The following NXPE4 variants were observed in gnomAD, a reference collection of about 807,000 sequenced individuals.
NXPE4 encodes the protein NXPE family member 4.
A neutral mutation model predicts 33.3 loss-of-function variants in NXPE4; 42 were observed. That is an observed-to-expected ratio of 1.26 (90% CI 0.98 to 1.63). The LOEUF is 1.63. NXPE4 is among the 40% of genes most tolerant of loss of function. The pLI is 0.00. For missense variants in NXPE4, 709 were observed against 647.6 expected (o/e 1.09, Z -1.03); for synonymous variants, 253 against 234.9 (o/e 1.08, Z -0.71).
At chr11:114,647,319 A>G in the NXPE4 span, among the ~76,000 whole-genome samples, 1 of 152,314 alleles carries the variant, frequency 6.6e-6, no homozygotes, top group East Asian at 1.9e-4. Context: ...GCTTTGGTAT[A>G]AAGTTTTATA....
the NXPE4 span, among the ~76,000 whole-genome samples, chr11:114,632,868 A>T: frequency 1.2e-5 from 1 of 84,686 alleles, no homozygotes; most frequent in Non-Finnish European, 2.0e-5. Context: ...TATAATATAT[A>T]ATTATATAAT....
chr11:114,602,989 T>C, the NXPE4 span, among the ~76,000 whole-genome samples: 26,520 of 150,580 alleles, frequency 0.18, 2,545 homozygotes, highest in African/African-American at 0.24. Flanking sequence ...TTATCTCATA[T>C]ATAATTACAG....
At chr11:114,630,202 C>T in the NXPE4 span, among the ~76,000 whole-genome samples, 1 of 151,704 alleles carries the variant, frequency 6.6e-6, no homozygotes, top group Non-Finnish European at 1.5e-5. Context: ...CAAAAAAGAG[C>T]CCTCATCGCC....
the NXPE4 span, among the ~76,000 whole-genome samples, chr11:114,645,752 C>T: frequency 8.5e-5 from 13 of 152,128 alleles, no homozygotes; most frequent in African/African-American, 2.4e-4. Context: ...ATGACTAATA[C>T]GTATATGTGA....
the NXPE4 span, among the ~76,000 whole-genome samples, chr11:114,671,054 T>G: frequency 6.8e-6 from 1 of 147,748 alleles, no homozygotes; most frequent in South Asian, 2.1e-4. Context: ...TATATAAAAA[T>G]ATAAATATAT....
At chr11:114,637,313 T>G in the NXPE4 span, among the ~76,000 whole-genome samples, 1 of 151,796 alleles carries the variant, frequency 6.6e-6, no homozygotes, top group Non-Finnish European at 1.5e-5. Context: ...TTCCATTTGC[T>G]TGGTAGATCT....
the NXPE4 span, among the ~76,000 whole-genome samples, chr11:114,616,318 C>T: frequency 1.7e-4 from 25 of 144,178 alleles, no homozygotes; most frequent in East Asian, 4.0e-4. Context: ...TGTTGTCTCA[C>T]GTGTAACCAC....
At chr11:114,673,266 C>T in the NXPE4 span, among the ~76,000 whole-genome samples, 1 of 151,260 alleles carries the variant, frequency 6.6e-6, no homozygotes, top group Admixed American at 6.6e-5. Flanking sequence ...AATCAGAATA[C>T]ACTTTCAGAT....
At chr11:114,603,849 G>A in the NXPE4 span, among the ~76,000 whole-genome samples, 1 of 151,314 alleles carries the variant, frequency 6.6e-6, no homozygotes, top group South Asian at 2.1e-4. Flanking sequence ...AATAAGTATT[G>A]CCTCCTCTCC....
chr11:114,604,252 T>C, the NXPE4 span, among the ~76,000 whole-genome samples: 22 of 151,694 alleles, frequency 1.5e-4, no homozygotes, highest in Non-Finnish European at 2.8e-4. Context: ...GTGTTGACTC[T>C]TGGGTAACCA....
intron 2 of NXPE4, chr11:114,583,742 C>A: frequency 2.0e-6 from 1 of 512,514 alleles, no homozygotes. Context: ...CTTGGAACTG[C>A]TAAAGTATCA....
the NXPE4 span, among the ~76,000 whole-genome samples, chr11:114,639,609 G>A: frequency 1.3e-5 from 2 of 148,266 alleles, no homozygotes; most frequent in African/African-American, 5.0e-5. Flanking sequence ...CGGCCATCTT[G>A]GCTGCCCCAC....
the NXPE4 span, among the ~76,000 whole-genome samples, chr11:114,631,095 T>C: frequency 9.9e-5 from 15 of 151,446 alleles, no homozygotes; most frequent in Non-Finnish European, 2.2e-4. Context: ...ACTAGTTCAA[T>C]CATTGTGGAA....
At chr11:114,609,257 T>C in the NXPE4 span, among the ~76,000 whole-genome samples, 2 of 151,984 alleles carry the variant, frequency 1.3e-5, no homozygotes, top group Admixed American at 1.3e-4. Flanking sequence ...CAGTGGTTAA[T>C]AAGTATTGCC....
At chr11:114,635,835 A>C in the NXPE4 span, among the ~76,000 whole-genome samples, 2 of 152,038 alleles carry the variant, frequency 1.3e-5, no homozygotes, top group Admixed American at 6.6e-5. Context: ...ATGGTGGATA[A>C]GCTTTTTGAT....
chr11:114,672,716 G>A, the NXPE4 span, among the ~76,000 whole-genome samples: 2 of 151,792 alleles, frequency 1.3e-5, no homozygotes, highest in African/African-American at 4.8e-5. Flanking sequence ...GGATAATGAG[G>A]AACGTTTTCT....
At chr11:114,628,700 A>C in the NXPE4 span, among the ~76,000 whole-genome samples, 1 of 1,112 alleles carries the variant, frequency 9.0e-4, no homozygotes, top group Non-Finnish European at 1.1e-3. Context: ...TAGAGACACA[A>C]AAAACCCCTT....
the NXPE4 span, among the ~76,000 whole-genome samples, chr11:114,674,498 C>T: frequency 6.6e-6 from 1 of 151,052 alleles, no homozygotes; most frequent in South Asian, 2.1e-4. Flanking sequence ...ATGTTTTATG[C>T]AAACCTCATG....
At chr11:114,603,690 T>C in the NXPE4 span, among the ~76,000 whole-genome samples, 1 of 151,646 alleles carries the variant, frequency 6.6e-6, no homozygotes, top group Non-Finnish European at 1.5e-5. Context: ...TCCTATTACC[T>C]GGGGGATGAT....
Sources: gnomAD v4.1 joint callset for allele counts (sites outside exome capture counted in the v4.1 genomes callset) on GRCh38, gnomAD v4.1.1 for gene constraint, MANE v1.5 for transcripts, NCBI Gene and HGNC (gene_info 2026-07-23, HGNC 2026-07-21) for gene names.